The following CRYM variants were observed in gnomAD, a reference collection of about 807,000 sequenced individuals.
CRYM encodes the protein ketimine reductase mu-crystallin.
In CRYM, 18 loss-of-function variants were observed where a neutral mutation model predicts 32.9. The observed-to-expected ratio is 0.55, with a 90% CI of 0.38 to 0.81. CRYM has a LOEUF of 0.81. Among genes scored for constraint, CRYM ranks in the 30% least tolerant of loss-of-function variants. The probability of loss-of-function intolerance (pLI) is 0.00; values close to 1 mark genes in which losing one functional copy is unlikely to be tolerated. For missense variants in CRYM, 337 were observed against 393.5 expected, an observed-to-expected ratio of 0.86 and a Z score of 1.21; for synonymous variants, 153 against 152.4, an observed-to-expected ratio of 1.00 and a Z score of -0.03.
chr16:21,279,195 T>A (rs1404370305), upstream of CRYM, among the ~76,000 whole-genome samples: 1 of 152,222 alleles, frequency 6.6e-6, no homozygotes, highest in Non-Finnish European at 1.5e-5. Context: ...ATGTACCAGA[T>A]ACTGCACCAT....
At chr16:21,270,590 T>C (rs1379480203) in intron 3 of CRYM, among the ~76,000 whole-genome samples, 1 of 152,088 alleles carries the variant, frequency 6.6e-6, no homozygotes, top group Non-Finnish European at 1.5e-5. Flanking sequence ...AGCCAGGTCT[T>C]ACAACTATTG....
chr16:21,285,021 C>T (rs551796860), intron 1 of CRYM, among the ~76,000 whole-genome samples: 1 of 152,258 alleles, frequency 6.6e-6, no homozygotes, highest in Non-Finnish European at 1.5e-5. Flanking sequence ...TCCCTGATGA[C>T]TGGTGATATT....
intron 4 of CRYM, 133 bp from the exon 5 acceptor site, chr16:21,267,870 T>G (rs2093367472): frequency 1.2e-6 from 1 of 830,420 alleles, no homozygotes; most frequent in Admixed American, 2.0e-5. Flanking sequence ...CACTCCTAAA[T>G]CATTCCCCAT....
intron 3 of CRYM, among the ~76,000 whole-genome samples, chr16:21,270,358 A>T (rs1220986663): frequency 6.6e-6 from 1 of 151,636 alleles, no homozygotes; most frequent in African/African-American, 2.4e-5. Flanking sequence ...ATCTTGGCTC[A>T]TTGCAACCTC....
At chr16:21,270,054 A>T (rs1372279229) in intron 3 of CRYM, among the ~76,000 whole-genome samples, 163 bp from the exon 4 acceptor site, 1 of 152,172 alleles carries the variant, frequency 6.6e-6, no homozygotes, top group Non-Finnish European at 1.5e-5. Context: ...TTTCCCCCGT[A>T]TCAAGTGGGA....
chr16:21,274,915 CTTTT>C (rs1228503694), intron 3 of CRYM, among the ~76,000 whole-genome samples: 1 of 152,274 alleles, frequency 6.6e-6, no homozygotes, highest in South Asian at 2.1e-4. Context: ...CTGTGTTTTC[CTTTT>C]TATTGGTATT....
At chr16:21,279,501 G>A (rs2093394359), upstream of CRYM, among the ~76,000 whole-genome samples, 2 of 152,188 alleles carry the variant, frequency 1.3e-5, no homozygotes, top group Non-Finnish European at 2.9e-5. Context: ...GATGTGTTAG[G>A]CTGGAATAAG....
intron 1 of CRYM, among the ~76,000 whole-genome samples, chr16:21,285,312 C>G (rs1463352591): frequency 6.6e-6 from 1 of 152,196 alleles, no homozygotes; most frequent in Non-Finnish European, 1.5e-5. Flanking sequence ...TTGGATTAGA[C>G]TTTTAAAAGT....
chr16:21,278,261 T>C lies in CRYM; in HGVS notation c.-10A>G, dbSNP rs759967191. The C allele has an allele frequency of 6.3e-7, 1 of 1,582,996 alleles. No individual in the cohort carries two copies. The highest frequency in any genetic ancestry group is 1.7e-5 in the Admixed American group (1 of 57,272). On this transcript the variant is annotated 5_prime_UTR_variant, in exon 1 of 8. Coordinates refer to ENST00000572914, the MANE Select transcript of CRYM (RefSeq NM_001376256.1). Reference sequence around the variant, plus strand: ...CTGGTACCCGGCTCATCTCGCCACCTGTGCCTTCTAACCTCAGTCTCCGCA... The same window carrying C: ...CTGGTACCCGGCTCATCTCGCCACCCGTGCCTTCTAACCTCAGTCTCCGCA...
intron 1 of CRYM, among the ~76,000 whole-genome samples, chr16:21,298,173 C>G (rs539124491): frequency 6.6e-6 from 1 of 152,256 alleles, no homozygotes; most frequent in South Asian, 2.1e-4. Context: ...GTTTGTCCAG[C>G]CTTTCCTTAT....
chr16:21,302,625 G>T (rs1198462660), intron 1 of CRYM, among the ~76,000 whole-genome samples: 1 of 152,184 alleles, frequency 6.6e-6, no homozygotes, highest in Non-Finnish European at 1.5e-5. Context: ...ATACTGAGTT[G>T]TTTGCTGAGT....
chr16:21,274,438 C>T (rs1810888739), intron 3 of CRYM, among the ~76,000 whole-genome samples: 2 of 152,098 alleles, frequency 1.3e-5, no homozygotes, highest in African/African-American at 4.8e-5. Context: ...TTTATCTTCA[C>T]CTAACATGTT....
In CRYM at chr16:21,277,647, A is replaced by G; in HGVS notation, c.171-63T>C. 1 of 1,590,662 alleles carries G rather than the reference A, an allele frequency of 6.3e-7. No homozygotes were observed. Among genetic ancestry groups the G allele is most frequent in the South Asian group, 1.1e-5 (1 of 90,346 alleles). ...TCAATGCTGGGGTCTCTTAGAAAGT[A>G]TCCATATACTTTCCTTTTTCTTTCC... On this transcript the variant is annotated intron_variant, in intron 1 of 7. Coordinates refer to ENST00000572914, the MANE Select transcript of CRYM (RefSeq NM_001376256.1). The surrounding 1 kb of genome is among the most constrained non-coding windows in gnomAD (Gnocchi z 4.2).
intron 1 of CRYM, among the ~76,000 whole-genome samples, chr16:21,286,384 ATTTTTTT>A (rs894297420): frequency 4.3e-5 from 6 of 140,186 alleles, no homozygotes; most frequent in Non-Finnish European, 6.3e-5. Context: ...CGCCCAGCTA[ATTTTTTT>A]TTTTTTTTTT....
upstream of CRYM, among the ~76,000 whole-genome samples, chr16:21,282,389 G>A (rs547534837): frequency 4.6e-5 from 7 of 151,982 alleles, no homozygotes; most frequent in South Asian, 2.1e-4. Flanking sequence ...CTGTAACCTC[G>A]TATAAGAAAG....
At chr16:21,284,503 A>G (rs957246073) in intron 1 of CRYM, among the ~76,000 whole-genome samples, 7 of 151,964 alleles carry the variant, frequency 4.6e-5, no homozygotes, top group Non-Finnish European at 8.8e-5. Context: ...GCCTCTCCCA[A>G]TTGCCAATCT....
chr16:21,299,658 TG>T (rs1278304712), intron 1 of CRYM, among the ~76,000 whole-genome samples: 3 of 152,228 alleles, frequency 2.0e-5, no homozygotes, highest in African/African-American at 7.2e-5. Context: ...GCAGGTGAAC[TG>T]GCTAATATTT....
intron 1 of CRYM, among the ~76,000 whole-genome samples, chr16:21,288,029 T>C (rs964856806): frequency 1.2e-4 from 19 of 152,318 alleles, no homozygotes; most frequent in South Asian, 2.1e-4. Flanking sequence ...TGCTAACTTA[T>C]AAGCTTAAGC....
Position 21,258,746 on chromosome 16 carries a change from C to A in CRYM, c.*35G>T. On this transcript the variant is annotated 3_prime_UTR_variant, in exon 8 of 8. Transcript: ENST00000572914. ...ATTATGAGAACCAGCAGCAATATTC[C>A]TCAAGCATCCATCTCAACATCAAGT... 6.3e-7 allele frequency: 1 copy of A among 1,578,156 alleles called. No individual in the cohort carries two copies. The highest frequency in any genetic ancestry group is 8.7e-7 in the Non-Finnish European group (1 of 1,147,510).
Sources: gnomAD v4.1 joint callset for allele counts (sites outside exome capture counted in the v4.1 genomes callset) on GRCh38, gnomAD v4.1.1 for gene constraint, Gnocchi (gnomAD v3.1) non-coding constraint, MANE v1.5 for transcripts, NCBI Gene and HGNC (gene_info 2026-07-23, HGNC 2026-07-21) for gene names.